MYO3B: variants seen among roughly 807,000 people sequenced by gnomAD.
MYO3B encodes myosin IIIB.
In MYO3B, 156 loss-of-function variants were observed where a neutral mutation model predicts 174.6. The ratio of observed to expected loss-of-function variants is 0.89; its 90% CI spans 0.78 to 1.02. The LOEUF (loss-of-function observed/expected upper bound fraction) is 1.02, where lower values mean the gene tolerates loss of function less well. Ranked by LOEUF, MYO3B falls within the 50% of genes least tolerant of loss-of-function variation. The pLI is 0.00. For synonymous variants in MYO3B, 563 were observed against 569.1 expected, an observed-to-expected ratio of 0.99 and a Z score of 0.15; for missense variants, 1,632 against 1,639.4, an observed-to-expected ratio of 1.00 and a Z score of 0.08.
At position 170,185,628 on chromosome 2, in the gene MYO3B, G is replaced by A. The variant is rs956368013; in HGVS notation, c.2+7339G>A. 9.9e-5 allele frequency among the ~76,000 whole-genome samples: 15 copies of A among 152,032 alleles called. No individual in the cohort carries two copies. The East Asian group carries it at 2.9e-3, about 29-fold the overall frequency. On this transcript the variant is annotated intron_variant, in intron 1 of 34. Transcript: ENST00000408978. ...CTCAGGATAGCTTTGGCTATTCTGG[G>A]TCTTTTGTGGCTCCATATACATTTT...
At chr2:170,504,930 C>T (rs1575087393) in intron 28 of MYO3B, among the ~76,000 whole-genome samples, 1 of 152,132 alleles carries the variant, frequency 6.6e-6, no homozygotes, top group Non-Finnish European at 1.5e-5. Context: ...GGAAACCTCT[C>T]CCCCAACTCA....
At chr2:170,411,442 T>G (rs55752995) in intron 22 of MYO3B, among the ~76,000 whole-genome samples, 26,922 of 152,136 alleles carry the variant, frequency 0.18, 2,985 homozygotes, top group East Asian at 0.55. Context: ...TGTAGTTAAT[T>G]GTAAGACAAT....
intron 32 of MYO3B, among the ~76,000 whole-genome samples, chr2:170,620,526 C>T (rs970336300): frequency 2.6e-5 from 4 of 152,222 alleles, no homozygotes; most frequent in African/African-American, 9.7e-5. Context: ...ACAAGTTAGC[C>T]TGCCCCATCT....
At chr2:170,189,198 A>G (rs2092508649) in intron 1 of MYO3B, among the ~76,000 whole-genome samples, 1 of 152,010 alleles carries the variant, frequency 6.6e-6, no homozygotes, top group South Asian at 2.1e-4. Context: ...CCAGATGATG[A>G]CTGGAGCTCT....
intron 9 of MYO3B, among the ~76,000 whole-genome samples, chr2:170,374,983 A>C (rs111527885): frequency 2.0e-3 from 310 of 152,340 alleles, no homozygotes; most frequent in African/African-American, 7.2e-3. Context: ...ACAATAGAGC[A>C]GTTATTAATC....
chr2:170,559,591 A>AT (rs1335678538), intron 32 of MYO3B, among the ~76,000 whole-genome samples: 3 of 152,162 alleles, frequency 2.0e-5, no homozygotes, highest in African/African-American at 4.8e-5. Flanking sequence ...AAAAGAACAG[A>AT]TATATCTCTT....
chr2:170,502,606 CGGG>C (rs1687348613), intron 28 of MYO3B, among the ~76,000 whole-genome samples: 1 of 3,048 alleles, frequency 3.3e-4, no homozygotes, highest in Admixed American at 0.014. Context: ...ACTGTGGGTG[CGGG>C]TGCCAGGCTG....
At chr2:170,211,935 G>A (rs2092774533) in intron 3 of MYO3B, among the ~76,000 whole-genome samples, 1 of 133,174 alleles carries the variant, frequency 7.5e-6, no homozygotes, top group African/African-American at 2.8e-5. Flanking sequence ...CTGGTAAAAT[G>A]TTTTCTTAAA....
At chr2:170,249,494 T>C (rs2093228504) in intron 7 of MYO3B, among the ~76,000 whole-genome samples, 1 of 152,216 alleles carries the variant, frequency 6.6e-6, no homozygotes, top group African/African-American at 2.4e-5. Flanking sequence ...TGACTATTCC[T>C]GTGGTCTCCA....
chr2:170,294,193 A>G (rs7595726), intron 7 of MYO3B, among the ~76,000 whole-genome samples: 102,048 of 151,682 alleles, frequency 0.67, 34,471 homozygotes, highest in Admixed American at 0.73. Flanking sequence ...TTTCTATTTA[A>G]TTTCTGTTCT....
chr2:170,349,307 T>A lies in MYO3B; in HGVS notation c.815+13857T>A, dbSNP rs112443108. 6.8e-3 allele frequency among the ~76,000 whole-genome samples: 1,031 copies of A among 152,258 alleles called. 15 individuals carry two copies. The highest frequency in any genetic ancestry group is 0.024 in the African/African-American group (980 of 41,540). On this transcript the variant is annotated intron_variant, in intron 8 of 34. Transcript: ENST00000408978. The stretch of plus-strand genomic sequence containing the variant: ...TAATAATGGGGAGAGAGGGAGCATG[T>A]CAAGCCATCCTGGAATTATTTGTTT...
intron 32 of MYO3B, among the ~76,000 whole-genome samples, chr2:170,632,124 C>G (rs956098060): frequency 6.6e-6 from 1 of 152,162 alleles, no homozygotes; most frequent in Non-Finnish European, 1.5e-5. Context: ...AGCTCTGCAC[C>G]AAGCAGACCT....
intron 32 of MYO3B, among the ~76,000 whole-genome samples, chr2:170,580,512 C>T (rs1693063626): frequency 6.6e-6 from 1 of 152,248 alleles, no homozygotes; most frequent in Non-Finnish European, 1.5e-5. Flanking sequence ...GTGGCACATG[C>T]CTGTAATCCC....
In MYO3B at chr2:170,405,578, T is replaced by C. The variant is rs762653765; in HGVS notation, c.2465T>C (p.Phe822Ser). ...GAAGATAATCTACGATGCAAATACT[T>C]CTGGAGGCCCAAAGGAGTGGAACTG... is the stretch of plus-strand genomic sequence containing the variant. ...KFEDNLRCKY[F>S]WRPKGVELCF... The change falls in exon 21 of 35, where the codon TTC becomes TCC. Residue 822 changes from phenylalanine to serine, a missense_variant. Coordinates refer to ENST00000408978, the MANE Select transcript of MYO3B (RefSeq NM_138995.5). 4 of 1,614,194 alleles carry C rather than the reference T, an allele frequency of 2.5e-6. No individual in the cohort carries two copies. Among genetic ancestry groups the C allele is most frequent in the Non-Finnish European group, 2.5e-6 (3 of 1,180,026 alleles).
chr2:170,283,476 C>T (rs1559358235), intron 7 of MYO3B, among the ~76,000 whole-genome samples: 1 of 152,170 alleles, frequency 6.6e-6, no homozygotes, highest in Non-Finnish European at 1.5e-5. Flanking sequence ...GTGTCCTGTA[C>T]CTCTGGTCAG....
At chr2:170,487,124 A>T (rs562037092) in intron 25 of MYO3B, among the ~76,000 whole-genome samples, 5 of 152,336 alleles carry the variant, frequency 3.3e-5, no homozygotes, top group South Asian at 2.1e-4. Context: ...TGGTCTGCAC[A>T]TGACTGTTTC....
chr2:170,324,908 G>A (rs1284259911), intron 7 of MYO3B, among the ~76,000 whole-genome samples: 4 of 152,090 alleles, frequency 2.6e-5, no homozygotes, highest in African/African-American at 9.7e-5. Flanking sequence ...TAATCTGGTG[G>A]CTTCTCAATG....
rs751577433 is a variant in MYO3B, at chr2:170,431,768, A to G, written c.2651-12199A>G. The stretch of plus-strand genomic sequence containing the variant: ...TGCATACCTTTCTTCAATAAAACCG[A>G]TGGGAGGATAGTCTGGTCTCTTACT... On this transcript the variant is annotated intron_variant, in intron 22 of 34. Coordinates refer to ENST00000408978, the MANE Select transcript of MYO3B (RefSeq NM_138995.5). 9.6e-4 allele frequency among the ~76,000 whole-genome samples: 146 copies of G among 152,218 alleles called. 2 individuals carry two copies. The highest frequency in any genetic ancestry group is 3.3e-3 in the Admixed American group (50 of 15,278).
chr2:170,224,792 CAG>C (rs2092934290), intron 6 of MYO3B, among the ~76,000 whole-genome samples: 1 of 152,142 alleles, frequency 6.6e-6, no homozygotes, highest in Admixed American at 6.5e-5. Context: ...AGCAGAGAAA[CAG>C]ATGTGCTGTG....
Sources: gnomAD v4.1 joint callset for allele counts (sites outside exome capture counted in the v4.1 genomes callset) on GRCh38, gnomAD v4.1.1 for gene constraint, MANE v1.5 for transcripts, NCBI Gene and HGNC (gene_info 2026-07-23, HGNC 2026-07-21) for gene names.